The following ADARB1 variants were observed in gnomAD, a reference collection of about 807,000 sequenced individuals.
ADARB1 encodes the protein double-stranded RNA-specific editase 1.
In ADARB1, 10 loss-of-function variants were observed where a neutral mutation model predicts 52.4. The observed-to-expected ratio is 0.19, with a 90% CI of 0.12 to 0.32. The LOEUF (loss-of-function observed/expected upper bound fraction) is 0.32. Among genes scored for constraint, ADARB1 ranks in the 10% least tolerant of loss-of-function variants. The pLI, the probability that ADARB1 is intolerant of heterozygous loss-of-function variation, is 1.00. For synonymous variants in ADARB1, 349 were observed against 371.1 expected (o/e 0.94, Z 0.68); for missense variants, 643 against 922.3 (o/e 0.70, Z 3.92).
At chr21:45,206,945 T>C (rs1302696914) in intron 9 of ADARB1, among the ~76,000 whole-genome samples, 1 of 152,206 alleles carries the variant, frequency 6.6e-6, no homozygotes, top group African/African-American at 2.4e-5. Context: ...TGCAGGGGGC[T>C]GTGCCGAGCT....
chr21:45,134,787 C>G (rs747321602), intron 2 of ADARB1: 2 of 534,302 alleles, frequency 3.7e-6, no homozygotes, highest in Non-Finnish European at 3.8e-6. Flanking sequence ...GAGGCCAGGC[C>G]CATGAGTGAT....
rs2092999795 is a variant in ADARB1, at chr21:45,223,428, CG to C, written c.*1234del. ...TCAGCCCGGGAGGTCAGGAGCGCGG[CG>C]GGCGAGGGCCCTGTGTGGACCACCT... On this transcript the variant is annotated 3_prime_UTR_variant, in exon 11 of 11. Transcript: ENST00000348831. 14 of 985,758 alleles carry C rather than the reference CG, an allele frequency of 1.4e-5. No individual in the cohort carries two copies. The highest frequency in any genetic ancestry group is 1.7e-5 in the Non-Finnish European group (14 of 830,216). 61.1% of individuals were successfully genotyped at this position (985,758 alleles called of 1,614,324 possible). A position where few individuals can be genotyped will look rare whatever the true frequency, so the allele number is the denominator to read the frequency against.
chr21:45,157,100 G>A lies in ADARB1; in HGVS notation c.-47-14510G>A, dbSNP rs892988479. ...TATGTGTGTACCTTTCACTGCATCTGTGCTGATGGGCCTCGCAGCACAAGA... is the reference window on the plus strand; with the variant it reads ...TATGTGTGTACCTTTCACTGCATCTATGCTGATGGGCCTCGCAGCACAAGA... On this transcript the variant is annotated intron_variant, in intron 2 of 10. Transcript: ENST00000348831. This position sits in a 1 kb window ranked among gnomAD's most constrained non-coding sequence, Gnocchi z 4.1. Among the ~76,000 whole-genome samples the A allele has an allele frequency of 1.3e-5, 2 of 152,208 alleles. No homozygotes were observed. Among genetic ancestry groups the A allele is most frequent in the South Asian group, 4.1e-4 (2 of 4,836 alleles).
intron 2 of ADARB1, among the ~76,000 whole-genome samples, chr21:45,170,247 A>G (rs1044088033): frequency 1.3e-5 from 2 of 152,232 alleles, no homozygotes; most frequent in Non-Finnish European, 2.9e-5. Context: ...AGTATATGTC[A>G]CTAAAAGAGA....
At position 45,223,067 on chromosome 21, in the gene ADARB1, G is replaced by C. The variant is rs1293997017; in HGVS notation, c.*870G>C. The C allele has an allele frequency of 1.0e-6, 1 of 985,308 alleles. No homozygotes were observed. The highest frequency in any genetic ancestry group is 1.7e-5 in the African/African-American group (1 of 57,222). 61.0% of individuals were successfully genotyped at this position (985,308 alleles called of 1,614,324 possible). On this transcript the variant is annotated 3_prime_UTR_variant, in exon 11 of 11. Transcript: ENST00000348831. Reference sequence around the variant, plus strand: ...TTTTAAAGGATATTTAACTTTTATGGACTAGAAGGAATCACGAGGGCTACT... The same window carrying C: ...TTTTAAAGGATATTTAACTTTTATGCACTAGAAGGAATCACGAGGGCTACT...
At position 45,176,350 on chromosome 21, in the gene ADARB1, C is replaced by T. The variant is rs750727660; in HGVS notation, c.649C>T (p.Leu217=). ...SLSASPVPAS[L]AQPPLPVLPP... ...GTCTGCTTCCCCGGTGCCTGCCAGC[C>T]TAGCCCAGCCTCCTCTCCCTGTCTT... Residue 217 remains leucine (L), a synonymous_variant, in exon 4 of 11, where the codon CTA becomes TTA. Coordinates refer to ENST00000348831, the MANE Select transcript of ADARB1 (RefSeq NM_001112.4). The surrounding 1 kb of genome is among the most constrained non-coding windows in gnomAD (Gnocchi z 5.8). The T allele has an allele frequency of 1.2e-6, 2 of 1,614,146 alleles. No individual in the cohort carries two copies. Among genetic ancestry groups the T allele is most frequent in the South Asian group, 2.2e-5 (2 of 91,078 alleles).
chr21:45,130,711 T>C (rs117665328), intron 2 of ADARB1, among the ~76,000 whole-genome samples: 13 of 152,336 alleles, frequency 8.5e-5, no homozygotes, highest in Non-Finnish European at 1.8e-4. Context: ...GTGCTGTCTG[T>C]GCCGTGTAGC....
intron 2 of ADARB1, among the ~76,000 whole-genome samples, chr21:45,137,694 C>T (rs1413289215): frequency 6.6e-6 from 1 of 152,164 alleles, no homozygotes; most frequent in Non-Finnish European, 1.5e-5. Flanking sequence ...TGTGAACAGC[C>T]TGGTGGGTGT....
rs2092954453 is a variant in ADARB1 at position 45,220,978 on chromosome 21, C to T, written c.1890C>T (p.His630=). 3.1e-6 allele frequency: 5 copies of T among 1,612,978 alleles called. No homozygotes were observed. The highest frequency in any genetic ancestry group is 3.4e-6 in the Non-Finnish European group (4 of 1,180,010). ...GCCGCGCGTCCCGCCTGTGTAAGCACGCGTTGTACTGTCGCTGGATGCGTG... is the reference window on the plus strand; with the variant it reads ...GCCGCGCGTCCCGCCTGTGTAAGCATGCGTTGTACTGTCGCTGGATGCGTG... ...ELGRASRLCK[H]ALYCRWMRVH... The change falls in exon 10 of 11, where the codon CAC becomes CAT. Residue 630 remains histidine (H), a synonymous_variant. Transcript: ENST00000348831. The surrounding 1 kb of genome is among the most constrained non-coding windows in gnomAD (Gnocchi z 6.3).
At chr21:45,215,201 C>T (rs2092838235) in intron 9 of ADARB1, among the ~76,000 whole-genome samples, 1 of 152,100 alleles carries the variant, frequency 6.6e-6, no homozygotes, top group African/African-American at 2.4e-5. Flanking sequence ...GTGCATGCCA[C>T]CATGCCTGGT....
chr21:45,178,972 T>G (rs569101947), intron 4 of ADARB1, among the ~76,000 whole-genome samples: 1 of 152,342 alleles, frequency 6.6e-6, no homozygotes, highest in African/African-American at 2.4e-5. Flanking sequence ...TTTGAAAGTT[T>G]GGAGATTCGC....
intron 1 of ADARB1, among the ~76,000 whole-genome samples, chr21:45,097,698 G>A (rs1165495215): frequency 1.3e-5 from 2 of 152,190 alleles, no homozygotes; most frequent in Admixed American, 1.3e-4. Flanking sequence ...GCCCACTGTG[G>A]TGATGGGGAG....
intron 2 of ADARB1, among the ~76,000 whole-genome samples, chr21:45,171,121 C>T (rs529964945): frequency 6.6e-6 from 1 of 152,190 alleles, no homozygotes; most frequent in Non-Finnish European, 1.5e-5. Context: ...AGTATGTGAG[C>T]GCCCTTCTGA....
At chr21:45,116,106 T>C (rs1386085701) in intron 1 of ADARB1, among the ~76,000 whole-genome samples, 5 of 152,138 alleles carry the variant, frequency 3.3e-5, no homozygotes, top group Non-Finnish European at 5.9e-5. Flanking sequence ...GGGATGCTGA[T>C]TAAGGTGGTA....
At chr21:45,113,770 A>G (rs75552977) in intron 1 of ADARB1, among the ~76,000 whole-genome samples, 9,977 of 152,112 alleles carry the variant, frequency 0.066, 394 homozygotes, top group East Asian at 0.15. Context: ...CTTACAATGA[A>G]TGAACACAGC....
Position 45,171,611 on chromosome 21 carries a change from C to T in ADARB1, c.-46C>T, listed in dbSNP as rs2091485962. On this transcript the variant is annotated splice_region_variant and 5_prime_UTR_variant, in exon 3 of 11. Transcript: ENST00000348831. ...TGCTATTTTCTTACTGTCTTTCAGA[C>T]AGAAACAGTCTCCGCCAGTCAAGAA... is the stretch of plus-strand genomic sequence containing the variant. The T allele has an allele frequency of 1.2e-6, 2 of 1,602,162 alleles. No homozygotes were observed. Among genetic ancestry groups the T allele is most frequent in the South Asian group, 2.2e-5 (2 of 90,582 alleles).
chr21:45,221,110 A>C lies in ADARB1; in HGVS notation c.1926+96A>C. ...GTTCCTTAAGTTGTTTCATCATGTC[A>C]TCATGCACAGCTTCCGAAAACGATC... is the stretch of plus-strand genomic sequence containing the variant. On this transcript the variant is annotated intron_variant, in intron 10 of 10. Coordinates refer to ENST00000348831, the MANE Select transcript of ADARB1 (RefSeq NM_001112.4). The surrounding 1 kb of genome is among the most constrained non-coding windows in gnomAD (Gnocchi z 4.9). 1.5e-6 allele frequency: 2 copies of C among 1,343,468 alleles called. No individual in the cohort carries two copies. Among genetic ancestry groups the C allele is most frequent in the Non-Finnish European group, 2.0e-6 (2 of 998,346 alleles). 83.2% of individuals were successfully genotyped at this position (1,343,468 alleles called of 1,614,324 possible).
chr21:45,086,836 G>A lies in ADARB1; in HGVS notation c.-220+12043G>A, dbSNP rs118076360. ...GTCATAGGTAGATTCCTAGGAGTTC[G>A]TAGGAGCTTCGAAATGGAGTTTAAG... On this transcript the variant is annotated intron_variant, in intron 1 of 10. Coordinates refer to ENST00000348831, the MANE Select transcript of ADARB1 (RefSeq NM_001112.4). Among the ~76,000 whole-genome samples, 60 of 152,310 alleles carry A rather than the reference G, an allele frequency of 3.9e-4. 2 individuals are homozygous for A. The East Asian group carries it at 0.011, about 27-fold the overall frequency.
chr21:45,170,874 A>T (rs141337808), intron 2 of ADARB1, among the ~76,000 whole-genome samples: 2 of 152,338 alleles, frequency 1.3e-5, no homozygotes, highest in African/African-American at 4.8e-5. Flanking sequence ...AGAAATTGTA[A>T]TACCTGTTCT....
Sources: gnomAD v4.1 joint callset for allele counts (sites outside exome capture counted in the v4.1 genomes callset) on GRCh38, gnomAD v4.1.1 for gene constraint, Gnocchi (gnomAD v3.1) non-coding constraint, MANE v1.5 for transcripts, NCBI Gene and HGNC (gene_info 2026-07-23, HGNC 2026-07-21) for gene names.